The following MARK4 variants were observed in gnomAD, a reference collection of about 807,000 sequenced individuals.
MARK4 encodes the protein MAP/microtubule affinity-regulating kinase 4.
A neutral mutation model predicts 81.5 loss-of-function variants in MARK4; 19 were observed. The ratio of observed to expected loss-of-function variants is 0.23; its 90% CI spans 0.16 to 0.34. The LOEUF is 0.34. Among genes scored for constraint, MARK4 ranks in the 10% least tolerant of loss-of-function variants. MARK4 has a pLI of 1.00. For missense variants in MARK4, 772 were observed against 1,058.8 expected, an observed-to-expected ratio of 0.73 and a Z score of 3.76; for synonymous variants, 436 against 439.0, an observed-to-expected ratio of 0.99 and a Z score of 0.08.
At chr19:45,270,359 A>G (rs941169655) in intron 7 of MARK4, among the ~76,000 whole-genome samples, 1 of 152,286 alleles carries the variant, frequency 6.6e-6, no homozygotes, top group Middle Eastern at 3.4e-3. Flanking sequence ...CCTTCACGTT[A>G]TGCAGACAGA....
chr19:45,253,878 G>A (rs1970275086), intron 1 of MARK4, among the ~76,000 whole-genome samples: 1 of 152,138 alleles, frequency 6.6e-6, no homozygotes. Flanking sequence ...TTACCTCTCT[G>A]AGCCTTGGTT....
chr19:45,298,055 CTTCCTCCTCCTCCTCCTCCTCGT>C, intron 15 of MARK4, 101 bp downstream of exon 15: 8 of 1,556,918 alleles, frequency 5.1e-6, no homozygotes, highest in Non-Finnish European at 7.0e-6. Flanking sequence ...AACATTTCCT[CTTCCTCCTCCTCCTCCTCCTCGT>C]TTCCTCCTCC....
At chr19:45,269,805 G>A (rs377227826) in intron 7 of MARK4, among the ~76,000 whole-genome samples, 17 of 152,106 alleles carry the variant, frequency 1.1e-4, no homozygotes, top group African/African-American at 3.4e-4. Context: ...ACCGCATGCC[G>A]CAAAAAAATA....
chr19:45,297,479 T>C (rs568839034), intron 14 of MARK4, among the ~76,000 whole-genome samples, 197 bp from the exon 15 acceptor site: 9 of 151,980 alleles, frequency 5.9e-5, no homozygotes, highest in Non-Finnish European at 1.3e-4. Context: ...GGAGGGGTAA[T>C]AGGAGAGGAG....
intron 1 of MARK4, among the ~76,000 whole-genome samples, chr19:45,255,277 A>G (rs1970292487): frequency 6.6e-6 from 1 of 151,840 alleles, no homozygotes; most frequent in African/African-American, 2.4e-5. Flanking sequence ...TCTGGTGGAA[A>G]CTATCGGGCA....
chr19:45,294,425 C>T lies in MARK4; in HGVS notation c.1571C>T (p.Ser524Leu). The change falls in exon 14 of 17, where the codon TCA becomes TTA. Residue 524 changes from serine (S) to leucine (L), a missense_variant. Around this residue, in one of 3 missense-constraint regions of MARK4, gnomAD observed 548 missense variants for 624.3 expected, o/e 0.88. Coordinates refer to ENST00000262891, the MANE Select transcript of MARK4 (RefSeq NM_001199867.2). ...GAACGCCCGGGGGCTGAGCGCCCGT[C>T]ACTGTTGCCAAATGGGAAAGAAAAC... The part of the protein sequence containing the change: ...CTERPGAERP[S>L]LLPNGKENSS... 2 of 1,614,108 alleles carry T rather than the reference C, an allele frequency of 1.2e-6. No homozygotes were observed. Among genetic ancestry groups the T allele is most frequent in the Non-Finnish European group, 1.7e-6 (2 of 1,180,028 alleles).
At chr19:45,266,645 A>G (rs1970457743) in intron 7 of MARK4, among the ~76,000 whole-genome samples, 1 of 151,738 alleles carries the variant, frequency 6.6e-6, no homozygotes, top group South Asian at 2.1e-4. Flanking sequence ...CGACCTTAGG[A>G]CATTCAGGAC....
Position 45,280,747 on chromosome 19 carries a change from C to T in MARK4, c.1276+13C>T. The T allele has an allele frequency of 6.2e-7, 1 of 1,613,510 alleles. No homozygotes were observed. Among genetic ancestry groups the T allele is most frequent in the Non-Finnish European group, 8.5e-7 (1 of 1,179,574 alleles). ...CATAGCGATTTCTGTGAGTATCAAC[C>T]CCACGCCCTCACGCACCCTCCTTCT... On this transcript the variant is annotated intron_variant, in intron 12 of 16. Transcript: ENST00000262891.
chr19:45,273,939 A>G (rs1228832086), intron 8 of MARK4, among the ~76,000 whole-genome samples: 3 of 152,242 alleles, frequency 2.0e-5, no homozygotes, highest in Non-Finnish European at 4.4e-5. Context: ...CTGCTGTTCA[A>G]TGAAGATCAT....
chr19:45,274,425 G>A (rs982369615), intron 8 of MARK4, among the ~76,000 whole-genome samples: 5 of 152,024 alleles, frequency 3.3e-5, no homozygotes, highest in Admixed American at 3.3e-4. Flanking sequence ...GAGGTCAGGA[G>A]TTCAAGACCA....
chr19:45,256,970 T>C (rs1970314820), intron 1 of MARK4, among the ~76,000 whole-genome samples: 1 of 151,766 alleles, frequency 6.6e-6, no homozygotes, highest in Admixed American at 6.6e-5. Flanking sequence ...CTTTTTTTTT[T>C]AGAGACAGGG....
intron 13 of MARK4, among the ~76,000 whole-genome samples, chr19:45,292,918 G>A (rs562082808): frequency 5.3e-5 from 8 of 151,892 alleles, no homozygotes; most frequent in Non-Finnish European, 1.2e-4. Context: ...AATCAGTGAA[G>A]GAGAAAGAAG....
At position 45,271,432 on chromosome 19, in the gene MARK4, C is replaced by G; in HGVS notation, c.550-40C>G. ...TCCCACGTCCATGAAAGGCTTTGGCCTTGAGTCCCACTTTCCGCCCTCTCC... is the reference window on the plus strand; with the variant it reads ...TCCCACGTCCATGAAAGGCTTTGGCGTTGAGTCCCACTTTCCGCCCTCTCC... On this transcript the variant is annotated intron_variant, in intron 7 of 16. Transcript: ENST00000262891. This position sits in a 1 kb window ranked among gnomAD's most constrained non-coding sequence, Gnocchi z 4.1. 1 of 1,597,632 alleles carries G rather than the reference C, an allele frequency of 6.3e-7. No individual in the cohort carries two copies. Among genetic ancestry groups the G allele is most frequent in the South Asian group, 1.1e-5 (1 of 88,776 alleles).
intron 8 of MARK4, 90 bp from the exon 9 acceptor site, chr19:45,277,833 G>T (rs1970620330): frequency 1.2e-6 from 1 of 868,968 alleles, no homozygotes; most frequent in Admixed American, 3.2e-5. Flanking sequence ...TTGTGTGTGT[G>T]TGTGTGTGTG....
At position 45,297,744 on chromosome 19, in the gene MARK4, G is replaced by C. The variant is rs757834794; in HGVS notation, c.1667G>C (p.Arg556Pro). 6.3e-7 allele frequency: 1 copy of C among 1,576,120 alleles called. No individual in the cohort carries two copies. The highest frequency in any genetic ancestry group is 1.8e-5 in the Admixed American group (1 of 54,278). The change falls in exon 15 of 17, where the codon CGG becomes CCG. Residue 556 changes from arginine to proline, a missense_variant. By Grantham distance (103) the Arg-to-Pro change is moderately radical (BLOSUM62 -2). Coordinates refer to ENST00000262891, the MANE Select transcript of MARK4 (RefSeq NM_001199867.2). ...AGCCTGGCACCCCCATCAGGGGAGCGGAGCCGCCTGGCACGTGGTTCCACC... is the reference window on the plus strand; with the variant it reads ...AGCCTGGCACCCCCATCAGGGGAGCCGAGCCGCCTGGCACGTGGTTCCACC... The part of the protein sequence containing the change: ...SHSLAPPSGE[R>P]SRLARGSTIR...
chr19:45,279,076 T>G (rs1418695433), intron 10 of MARK4, among the ~76,000 whole-genome samples: 1 of 149,818 alleles, frequency 6.7e-6, no homozygotes, highest in East Asian at 2.0e-4. Context: ...AAATAAAAAA[T>G]TAGCCAGTTG....
intron 13 of MARK4, 126 bp downstream of exon 13, chr19:45,287,790 C>G (rs898241338): frequency 2.7e-6 from 3 of 1,102,170 alleles, no homozygotes; most frequent in Non-Finnish European, 4.1e-6. Context: ...CCCATTCATT[C>G]ATTCAACAAA....
intron 12 of MARK4, among the ~76,000 whole-genome samples, chr19:45,283,744 G>A (rs1351844): frequency 0.33 from 50,196 of 151,946 alleles, 8,468 homozygotes; most frequent in Non-Finnish European, 0.37. Flanking sequence ...ATTTGTATCC[G>A]TGTTTTTGTG....
chr19:45,267,714 G>T (rs189202592), intron 7 of MARK4, among the ~76,000 whole-genome samples: 1 of 152,324 alleles, frequency 6.6e-6, no homozygotes, highest in Non-Finnish European at 1.5e-5. Flanking sequence ...ATACTGAAGT[G>T]TGATGTTTCC....
Sources: allele counts gnomAD v4.1 joint callset (sites outside exome capture counted in the v4.1 genomes callset), GRCh38; gene constraint gnomAD v4.1.1; regional missense constraint gnomAD v4.1.1; non-coding constraint Gnocchi (gnomAD v3.1); transcripts MANE v1.5; gene names NCBI Gene and HGNC (gene_info 2026-07-23, HGNC 2026-07-21).